The following SEC22A variants were observed in gnomAD, a reference collection of about 807,000 sequenced individuals.
The protein encoded by SEC22A is SEC22 homolog A, vesicle trafficking protein.
Under a neutral mutation model 35.3 loss-of-function variants are expected in SEC22A, and 22 were observed. That is an observed-to-expected ratio of 0.62 (90% confidence interval 0.45 to 0.89). The LOEUF is 0.89. SEC22A is among the 40% of genes least tolerant of loss of function. The pLI is 0.00. For synonymous variants in SEC22A, 119 were observed against 129.5 expected (o/e 0.92, Z 0.55); for missense variants, 354 against 362.5 (o/e 0.98, Z 0.19).
intron 2 of SEC22A, among the ~76,000 whole-genome samples, chr3:123,210,346 T>C (rs1189026979): frequency 1.3e-5 from 2 of 152,224 alleles, no homozygotes; most frequent in African/African-American, 4.8e-5. Flanking sequence ...CAAATCTTCC[T>C]ACTGGATTGA....
chr3:123,207,956 T>A (rs555424396), intron 1 of SEC22A, among the ~76,000 whole-genome samples: 10 of 152,348 alleles, frequency 6.6e-5, no homozygotes, highest in South Asian at 2.1e-4. Flanking sequence ...AAGTAGTATA[T>A]GTCTACTGTG....
At chr3:123,227,405 A>G (rs568780354) in intron 4 of SEC22A, among the ~76,000 whole-genome samples, 3 of 151,704 alleles carry the variant, frequency 2.0e-5, no homozygotes, top group Non-Finnish European at 2.9e-5. Context: ...CAATTCACCA[A>G]TGAGAACACA....
chr3:123,215,064 T>C (rs916356762), intron 2 of SEC22A, among the ~76,000 whole-genome samples: 8 of 152,232 alleles, frequency 5.3e-5, no homozygotes, highest in Non-Finnish European at 1.2e-4. Flanking sequence ...ACTTAAACTA[T>C]AACCCAATTA....
chr3:123,209,510 G>C, intron 2 of SEC22A, 111 bp downstream of exon 2: 2 of 806,464 alleles, frequency 2.5e-6, no homozygotes, highest in South Asian at 3.6e-5. Context: ...TTCAAGTCGA[G>C]CATCATATTG....
intron 1 of SEC22A, among the ~76,000 whole-genome samples, chr3:123,205,816 A>G (rs1936842892): frequency 6.6e-6 from 1 of 152,232 alleles, no homozygotes; most frequent in African/African-American, 2.4e-5. Flanking sequence ...AGTTTCTCTA[A>G]TTGAGGAGTG....
At chr3:123,224,400 G>A (rs1211865102) in intron 3 of SEC22A, among the ~76,000 whole-genome samples, 1 of 148,412 alleles carries the variant, frequency 6.7e-6, no homozygotes, top group African/African-American at 2.5e-5. Context: ...ATAAAAAACA[G>A]ATTTATAAAA....
chr3:123,258,821 A>G (rs1411124963), intron 5 of SEC22A, among the ~76,000 whole-genome samples: 1 of 152,150 alleles, frequency 6.6e-6, no homozygotes, highest in Non-Finnish European at 1.5e-5. Flanking sequence ...CTTTTACTGT[A>G]TAAAAACATT....
intron 1 of SEC22A, among the ~76,000 whole-genome samples, chr3:123,203,438 A>G (rs1936792517): frequency 6.6e-6 from 1 of 152,294 alleles, no homozygotes; most frequent in South Asian, 2.1e-4. Flanking sequence ...TTACAAGGCA[A>G]TGTTTCAGGC....
intron 4 of SEC22A, among the ~76,000 whole-genome samples, chr3:123,235,700 CAT>C (rs1249077798): frequency 1.3e-5 from 2 of 152,170 alleles, no homozygotes; most frequent in Admixed American, 6.5e-5. Flanking sequence ...GAAATGCAAA[CAT>C]ATGTCCACAC....
chr3:123,221,622 A>G (rs1937125826), intron 2 of SEC22A, among the ~76,000 whole-genome samples: 1 of 152,096 alleles, frequency 6.6e-6, no homozygotes, highest in Non-Finnish European at 1.5e-5. Context: ...TGACTCATTA[A>G]AAAGGGTTAC....
intron 5 of SEC22A, among the ~76,000 whole-genome samples, chr3:123,250,200 A>AAGAGCTCG (rs925621743): frequency 2.6e-5 from 4 of 152,146 alleles, no homozygotes; most frequent in Non-Finnish European, 5.9e-5. Flanking sequence ...TCACGAGGTC[A>AAGAGCTCG]AGAGCTCGAG....
intron 4 of SEC22A, among the ~76,000 whole-genome samples, chr3:123,244,916 T>C (rs1327594079): frequency 6.6e-6 from 1 of 152,174 alleles, no homozygotes; most frequent in Non-Finnish European, 1.5e-5. Context: ...CGTAAGATGA[T>C]GATGAAGGGA....
chr3:123,253,262 A>G (rs1418670468), intron 5 of SEC22A, among the ~76,000 whole-genome samples: 7 of 152,318 alleles, frequency 4.6e-5, no homozygotes, highest in Non-Finnish European at 7.4e-5. Flanking sequence ...TTTAGACTAC[A>G]TAAGCCCAGG....
intron 2 of SEC22A, among the ~76,000 whole-genome samples, chr3:123,212,350 A>G (rs1448413865): frequency 2.0e-5 from 3 of 152,086 alleles, no homozygotes; most frequent in East Asian, 1.9e-4. Flanking sequence ...ACCTACTTCT[A>G]TTTTTTTAGA....
At chr3:123,223,762 A>C in intron 3 of SEC22A, 40 bp downstream of exon 3, 1 of 1,467,896 alleles carries the variant, frequency 6.8e-7, no homozygotes, top group South Asian at 1.2e-5. Flanking sequence ...TTCTGTCTGC[A>C]TCCAATCATA....
At chr3:123,208,003 TAACC>T (rs1936878362) in intron 1 of SEC22A, among the ~76,000 whole-genome samples, 1 of 152,208 alleles carries the variant, frequency 6.6e-6, no homozygotes, top group Non-Finnish European at 1.5e-5. Flanking sequence ...AAAATAATAA[TAACC>T]AATAATACCA....
rs1308203109 is a variant in SEC22A, at chr3:123,272,465, T to C, written c.*743T>C. On this transcript the variant is annotated 3_prime_UTR_variant, in exon 7 of 7. Coordinates refer to ENST00000492595, the MANE Select transcript of SEC22A (RefSeq NM_012430.5). ...TTCAGTCTCTTTAGTACTACTTGTA[T>C]TATTTTCTTAATATTTATCTTTTAA... 6.6e-6 allele frequency: 1 copy of C among 152,222 alleles called. No homozygotes were observed. The highest frequency in any genetic ancestry group is 1.5e-5 in the Non-Finnish European group (1 of 68,034). The allele number at this position is 152,222 out of a possible 1,614,324, so 9.4% of individuals were successfully genotyped here.
chr3:123,208,929 G>A, intron 1 of SEC22A: 2 of 312,634 alleles, frequency 6.4e-6, no homozygotes, highest in Non-Finnish European at 1.2e-5. Context: ...TGAGTAGCTG[G>A]GATTACAGGT....
rs1189597502 is a variant in SEC22A, at chr3:123,208,385, T to C, written c.-19-814T>C. 3 of 152,230 alleles carry C rather than the reference T, an allele frequency of 2.0e-5. No individual in the cohort carries two copies. The East Asian group carries it at 5.8e-4, about 29-fold the overall frequency. 9.4% of individuals were successfully genotyped at this position (152,230 alleles called of 1,614,324 possible). ...TTCTCAAGACAGGTATATATTTAAA[T>C]TTATTGAGGTTAAAAGGTATGCCTT... is the stretch of plus-strand genomic sequence containing the variant. On this transcript the variant is annotated intron_variant, in intron 1 of 6. Coordinates refer to ENST00000492595, the MANE Select transcript of SEC22A (RefSeq NM_012430.5).
Sources: allele counts gnomAD v4.1 joint callset (sites outside exome capture counted in the v4.1 genomes callset), GRCh38; gene constraint gnomAD v4.1.1; transcripts MANE v1.5; gene names NCBI Gene and HGNC (gene_info 2026-07-23, HGNC 2026-07-21).